GPBP1: variants seen among roughly 807,000 people sequenced by gnomAD.
GPBP1 encodes GC-rich promoter binding protein 1, also known as vasculin.
In GPBP1, 13 loss-of-function variants were observed where a neutral mutation model predicts 56.5. The observed-to-expected ratio is 0.23, with a 90% CI of 0.15 to 0.37. GPBP1 has a LOEUF of 0.37. Ranked by LOEUF, GPBP1 falls within the 10% of genes least tolerant of loss-of-function variation. The probability of loss-of-function intolerance (pLI) is 1.00; values close to 1 mark genes in which losing one functional copy is unlikely to be tolerated. For synonymous variants in GPBP1, 204 were observed against 188.9 expected, an observed-to-expected ratio of 1.08 and a Z score of -0.66; for missense variants, 477 against 572.3, an observed-to-expected ratio of 0.83 and a Z score of 1.70.
chr5:57,242,834 C>T (rs961271383), intron 6 of GPBP1, among the ~76,000 whole-genome samples: 3 of 152,090 alleles, frequency 2.0e-5, no homozygotes, highest in African/African-American at 2.4e-5. Context: ...ACTGCAACCT[C>T]TGCCTCCCGG....
chr5:57,185,293 CTG>C (rs1329108077), intron 2 of GPBP1, among the ~76,000 whole-genome samples: 1 of 138,208 alleles, frequency 7.2e-6, no homozygotes, highest in Non-Finnish European at 1.5e-5. Context: ...CAGAGTTTTG[CTG>C]TTGTTGCCCA....
chr5:57,242,811 G>A (rs1740890925), intron 6 of GPBP1, among the ~76,000 whole-genome samples: 1 of 152,126 alleles, frequency 6.6e-6, no homozygotes, highest in Non-Finnish European at 1.5e-5. Flanking sequence ...GTGCAGTGGT[G>A]TGATCTCATC....
chr5:57,203,507 G>T (rs1408163984), intron 2 of GPBP1, among the ~76,000 whole-genome samples: 1 of 152,074 alleles, frequency 6.6e-6, no homozygotes, highest in East Asian at 1.9e-4. Context: ...GGCCCATGTG[G>T]TGCTACACAC....
At chr5:57,174,798 C>A (rs1753724791) in intron 1 of GPBP1, among the ~76,000 whole-genome samples, 1 of 152,156 alleles carries the variant, frequency 6.6e-6, no homozygotes, top group African/African-American at 2.4e-5. Flanking sequence ...TACCTTCCAC[C>A]CCCTCAGTTT....
chr5:57,202,608 C>G (rs1755068157), intron 2 of GPBP1, among the ~76,000 whole-genome samples: 1 of 151,978 alleles, frequency 6.6e-6, no homozygotes, highest in Non-Finnish European at 1.5e-5. Flanking sequence ...TTTTAAAAAG[C>G]TTATCTATCA....
intron 2 of GPBP1, among the ~76,000 whole-genome samples, chr5:57,184,557 G>C (rs905914425): frequency 2.6e-5 from 4 of 152,108 alleles, no homozygotes; most frequent in African/African-American, 7.2e-5. Flanking sequence ...ATCACCAAGG[G>C]GTTGGTGCTA....
chr5:57,237,056 T>C, intron 6 of GPBP1: 1 of 1,219,764 alleles, frequency 8.2e-7, no homozygotes. Flanking sequence ...GTTAGAACCA[T>C]GTGAATGGCA....
chr5:57,259,760 T>C (rs75236744), intron 10 of GPBP1, among the ~76,000 whole-genome samples: 1,966 of 152,334 alleles, frequency 0.013, 44 homozygotes, highest in African/African-American at 0.044. Flanking sequence ...TTAAGGACTC[T>C]CTGGTGAAGC....
intron 3 of GPBP1, chr5:57,221,534 A>G: frequency 3.5e-6 from 2 of 576,954 alleles, no homozygotes; most frequent in South Asian, 5.2e-5. Flanking sequence ...TTGATGAAAG[A>G]TTTCGGGGTT....
At chr5:57,189,409 A>G (rs1047807963) in intron 2 of GPBP1, among the ~76,000 whole-genome samples, 1 of 152,060 alleles carries the variant, frequency 6.6e-6, no homozygotes, top group African/African-American at 2.4e-5. Flanking sequence ...GTGAGCCACC[A>G]TGCCCAGCCC....
At chr5:57,222,846 A>C (rs529365148) in intron 3 of GPBP1, among the ~76,000 whole-genome samples, 1 of 152,258 alleles carries the variant, frequency 6.6e-6, no homozygotes, top group Admixed American at 6.5e-5. Context: ...AGTCTTGGCG[A>C]CACTGGATGT....
At chr5:57,254,634 G>T (rs1284480156) in intron 10 of GPBP1, among the ~76,000 whole-genome samples, 1 of 151,546 alleles carries the variant, frequency 6.6e-6, no homozygotes, top group East Asian at 1.9e-4. Context: ...GGCAGAGGTT[G>T]CAGTGAGCCG....
In GPBP1 at chr5:57,264,465, G is replaced by A. The variant is rs997091657; in HGVS notation, c.*1713G>A. On this transcript the variant is annotated 3_prime_UTR_variant, in exon 12 of 12. Coordinates refer to ENST00000506184, the MANE Select transcript of GPBP1 (RefSeq NM_022913.4). The stretch of plus-strand genomic sequence containing the variant: ...AAAAACAAGCTAGAAGGAACCTGAG[G>A]AATGTGGTTTACATTTGAGATCCAC... 3 of 152,112 alleles carry A rather than the reference G, an allele frequency of 2.0e-5. No homozygotes were observed. Among genetic ancestry groups the A allele is most frequent in the African/African-American group, 7.2e-5 (3 of 41,426 alleles). 9.4% of individuals were successfully genotyped at this position (152,112 alleles called of 1,614,324 possible). A position where few individuals can be genotyped will look rare whatever the true frequency, so the allele number is the denominator to read the frequency against.
chr5:57,203,442 C>T (rs867373502), intron 2 of GPBP1, among the ~76,000 whole-genome samples: 2 of 152,078 alleles, frequency 1.3e-5, no homozygotes, highest in South Asian at 4.2e-4. Context: ...TTGAGACCAG[C>T]CTGGGCAACA....
intron 8 of GPBP1, among the ~76,000 whole-genome samples, chr5:57,248,340 G>A (rs1304494547): frequency 6.6e-6 from 1 of 151,456 alleles, no homozygotes; most frequent in Non-Finnish European, 1.5e-5. Context: ...GACCAGTCTA[G>A]TGTCAAAGGA....
At chr5:57,215,777 A>G (rs1433805194) in intron 3 of GPBP1, among the ~76,000 whole-genome samples, 1 of 151,898 alleles carries the variant, frequency 6.6e-6, no homozygotes, top group Non-Finnish European at 1.5e-5. Flanking sequence ...TCTTTGAGTC[A>G]TTACTCCACG....
intron 3 of GPBP1, among the ~76,000 whole-genome samples, chr5:57,216,225 G>A (rs1190576011): frequency 1.3e-5 from 2 of 152,128 alleles, no homozygotes; most frequent in African/African-American, 4.8e-5. Flanking sequence ...AATTGGAGAG[G>A]GTGAGAAATG....
intron 2 of GPBP1, among the ~76,000 whole-genome samples, chr5:57,200,752 G>A (rs1754980543): frequency 6.6e-6 from 1 of 152,064 alleles, no homozygotes; most frequent in African/African-American, 2.4e-5. Context: ...CATGATCTCC[G>A]CTCACTGCAA....
chr5:57,235,911 G>C, intron 5 of GPBP1, 55 bp from the exon 6 acceptor site: 3 of 1,226,420 alleles, frequency 2.4e-6, no homozygotes, highest in Non-Finnish European at 3.6e-6. Context: ...TTCTGAGATT[G>C]GTTTTAAATG....
Sources: gnomAD v4.1 joint callset for allele counts (sites outside exome capture counted in the v4.1 genomes callset) on GRCh38, gnomAD v4.1.1 for gene constraint, MANE v1.5 for transcripts, NCBI Gene and HGNC (gene_info 2026-07-23, HGNC 2026-07-21) for gene names.